RNF220: variants seen among roughly 807,000 people sequenced by gnomAD.
RNF220 encodes ring finger protein 220.
Under a neutral mutation model 67.1 loss-of-function variants are expected in RNF220, and 7 were observed. The ratio of observed to expected loss-of-function variants is 0.10; its 90% CI spans 0.06 to 0.20. The LOEUF (loss-of-function observed/expected upper bound fraction) is 0.20, where lower values mean the gene tolerates loss of function less well. Among genes scored for constraint, RNF220 ranks in the 10% least tolerant of loss-of-function variants. The probability of loss-of-function intolerance (pLI) is 1.00; values close to 1 mark genes in which losing one functional copy is unlikely to be tolerated. For synonymous variants in RNF220, 270 were observed against 283.2 expected (o/e 0.95, Z 0.47); for missense variants, 565 against 740.3 (o/e 0.76, Z 2.75).
chr1:44,454,666 T>C (rs552884767), intron 2 of RNF220, among the ~76,000 whole-genome samples: 1 of 152,088 alleles, frequency 6.6e-6, no homozygotes, highest in East Asian at 1.9e-4. Context: ...GTTTTTTTTT[T>C]TAAGTCAGAT....
At chr1:44,581,397 C>G (rs1231239112) in intron 2 of RNF220, among the ~76,000 whole-genome samples, 1 of 152,240 alleles carries the variant, frequency 6.6e-6, no homozygotes, top group African/African-American at 2.4e-5. Flanking sequence ...TACAGGGACC[C>G]TCCCTGGAGA....
At chr1:44,410,890 C>G (rs890828339) in intron 1 of RNF220, among the ~76,000 whole-genome samples, 2 of 152,128 alleles carry the variant, frequency 1.3e-5, no homozygotes, top group Non-Finnish European at 2.9e-5. Context: ...CTCCCAGCCC[C>G]CACTCAAAAT....
chr1:44,556,526 T>A (rs1352995565), intron 2 of RNF220, among the ~76,000 whole-genome samples: 1 of 149,786 alleles, frequency 6.7e-6, no homozygotes, highest in African/African-American at 2.5e-5. Flanking sequence ...ATTTAGGGTA[T>A]CTCCTTCCCT....
At chr1:44,623,688 T>G (rs1035035861) in intron 4 of RNF220, among the ~76,000 whole-genome samples, 4 of 152,132 alleles carry the variant, frequency 2.6e-5, no homozygotes, top group Admixed American at 2.6e-4. Flanking sequence ...TTGGAGAGAT[T>G]AGAGCAAAGG....
chr1:44,558,426 T>A (rs964466853), intron 2 of RNF220, among the ~76,000 whole-genome samples: 1 of 152,216 alleles, frequency 6.6e-6, no homozygotes, highest in Non-Finnish European at 1.5e-5. Context: ...ATATAAAATG[T>A]GTAAGACTTT....
At chr1:44,518,889 C>CA (rs71036682) in intron 2 of RNF220, among the ~76,000 whole-genome samples, 18,225 of 140,644 alleles carry the variant, frequency 0.13, 1,111 homozygotes, top group Middle Eastern at 0.19. Flanking sequence ...ACAAAAAAAA[C>CA]AAAAAAAAAA....
intron 2 of RNF220, among the ~76,000 whole-genome samples, chr1:44,434,505 G>C (rs533235673): frequency 1.3e-5 from 2 of 152,000 alleles, no homozygotes; most frequent in Admixed American, 6.6e-5. Flanking sequence ...TCAGGAGATC[G>C]AGACCATCCT....
chr1:44,551,666 A>C (rs1662648271), intron 2 of RNF220, among the ~76,000 whole-genome samples: 1 of 152,182 alleles, frequency 6.6e-6, no homozygotes, highest in African/African-American at 2.4e-5. Flanking sequence ...ATCTTTACTA[A>C]TTTGATTAGC....
At chr1:44,546,102 G>A (rs1662118349) in intron 2 of RNF220, among the ~76,000 whole-genome samples, 1 of 152,154 alleles carries the variant, frequency 6.6e-6, no homozygotes, top group Admixed American at 6.5e-5. Flanking sequence ...AAAAGGAGGT[G>A]GAAGGTGTGA....
At chr1:44,548,313 G>A (rs1229268492) in intron 2 of RNF220, among the ~76,000 whole-genome samples, 2 of 152,000 alleles carry the variant, frequency 1.3e-5, no homozygotes, top group East Asian at 1.9e-4. Flanking sequence ...TTCCTAAAAC[G>A]TGACTCTAAC....
At chr1:44,634,447 A>G (rs571733755) in intron 6 of RNF220, among the ~76,000 whole-genome samples, 2 of 152,212 alleles carry the variant, frequency 1.3e-5, no homozygotes, top group Non-Finnish European at 2.9e-5. Context: ...AAATTGTAAC[A>G]TAGCAGCTCT....
At chr1:44,594,389 A>G (rs1352834565) in intron 2 of RNF220, among the ~76,000 whole-genome samples, 3 of 151,818 alleles carry the variant, frequency 2.0e-5, no homozygotes, top group Non-Finnish European at 4.4e-5. Flanking sequence ...CCCACGTCCC[A>G]GGAAGTGGAG....
intron 2 of RNF220, among the ~76,000 whole-genome samples, chr1:44,546,728 G>A (rs1158315853): frequency 2.0e-5 from 3 of 152,034 alleles, no homozygotes; most frequent in African/African-American, 4.8e-5. Flanking sequence ...CTGACCCCTC[G>A]CTGGCACCCC....
chr1:44,488,771 C>G (rs1656588759), intron 2 of RNF220, among the ~76,000 whole-genome samples: 1 of 143,416 alleles, frequency 7.0e-6, no homozygotes, highest in Admixed American at 7.0e-5. Context: ...CACTCTGTCA[C>G]CCAGGCTGGA....
chr1:44,547,305 C>A (rs1662244776), intron 2 of RNF220, among the ~76,000 whole-genome samples: 1 of 152,166 alleles, frequency 6.6e-6, no homozygotes, highest in Non-Finnish European at 1.5e-5. Flanking sequence ...TATATTTAAC[C>A]ACTTCCATTC....
At chr1:44,438,716 GGCTATCT>G (rs1209567877) in intron 2 of RNF220, among the ~76,000 whole-genome samples, 2 of 152,146 alleles carry the variant, frequency 1.3e-5, no homozygotes, top group African/African-American at 4.8e-5. Context: ...ACCTCCCGCT[GGCTATCT>G]GCCATGATTT....
At chr1:44,519,487 G>A (rs1382285609) in intron 2 of RNF220, among the ~76,000 whole-genome samples, 1 of 152,222 alleles carries the variant, frequency 6.6e-6, no homozygotes, top group East Asian at 1.9e-4. Context: ...GCATCCTGAG[G>A]AATGGAGGAA....
chr1:44,519,601 T>G (rs910203480), intron 2 of RNF220, among the ~76,000 whole-genome samples: 32 of 152,148 alleles, frequency 2.1e-4, no homozygotes, highest in African/African-American at 7.5e-4. Flanking sequence ...CTCAGAGAAC[T>G]CCAGATGGTT....
chr1:44,500,992 C>T (rs898199799), intron 2 of RNF220, among the ~76,000 whole-genome samples: 9 of 148,020 alleles, frequency 6.1e-5, no homozygotes, highest in Admixed American at 4.1e-4. Context: ...AGAGGCCCCT[C>T]GATTTGGCCA....
Sources: gnomAD v4.1 joint callset for allele counts (sites outside exome capture counted in the v4.1 genomes callset) on GRCh38, gnomAD v4.1.1 for gene constraint, MANE v1.5 for transcripts, NCBI Gene and HGNC (gene_info 2026-07-23, HGNC 2026-07-21) for gene names.